TRIO: variants seen among roughly 807,000 people sequenced by gnomAD.
The protein encoded by TRIO is triple functional domain protein.
TRIO carries 58 observed loss-of-function variants against 351.9 expected under a neutral mutation model. That is an observed-to-expected ratio of 0.16 (90% CI 0.13 to 0.21). TRIO has a LOEUF of 0.21. TRIO is among the 10% of genes least tolerant of loss of function. The pLI, the probability that TRIO is intolerant of heterozygous loss-of-function variation, is 1.00. For missense variants in TRIO, 3,201 were observed against 4,027.8 expected (o/e 0.79, Z 5.56); for synonymous variants, 1,758 against 1,595.7 (o/e 1.10, Z -2.42).
chr5:14,324,092 G>T (rs1370638404), intron 9 of TRIO, among the ~76,000 whole-genome samples: 1 of 152,044 alleles, frequency 6.6e-6, no homozygotes, highest in African/African-American at 2.4e-5. Flanking sequence ...TTTCCCCAGC[G>T]ATTTAAATAA....
At chr5:14,443,229 T>C (rs1752198300) in intron 34 of TRIO, among the ~76,000 whole-genome samples, 1 of 152,110 alleles carries the variant, frequency 6.6e-6, no homozygotes, top group Admixed American at 6.5e-5. Flanking sequence ...CTAGGAAAAA[T>C]TCGTAAGAAA....
chr5:14,361,028 C>A (rs148946709), intron 13 of TRIO, among the ~76,000 whole-genome samples: 1 of 152,178 alleles, frequency 6.6e-6, no homozygotes, highest in South Asian at 2.1e-4. Context: ...ACAGAATAAA[C>A]GGGAGGCCAG....
At chr5:14,201,534 TA>T (rs1208388055) in intron 1 of TRIO, among the ~76,000 whole-genome samples, 1 of 152,196 alleles carries the variant, frequency 6.6e-6, no homozygotes, top group East Asian at 1.9e-4. Context: ...CATCGATTGT[TA>T]ACTTTGAGGA....
intron 8 of TRIO, among the ~76,000 whole-genome samples, chr5:14,311,481 A>G (rs925430508): frequency 6.6e-6 from 1 of 152,218 alleles, no homozygotes; most frequent in Non-Finnish European, 1.5e-5. Context: ...GGGAACACAC[A>G]TGACCTTTCA....
intron 21 of TRIO, among the ~76,000 whole-genome samples, chr5:14,385,235 A>G (rs1256519271): frequency 1.3e-5 from 2 of 152,168 alleles, no homozygotes; most frequent in Non-Finnish European, 2.9e-5. Flanking sequence ...TCCAGGTCTC[A>G]CAATGTGTGT....
Position 14,465,613 on chromosome 5 carries a change from A to C in TRIO, c.5736A>C (p.Ala1912=). 1 of 1,613,960 alleles carries C rather than the reference A, an allele frequency of 6.2e-7. No homozygotes were observed. Among genetic ancestry groups the C allele is most frequent in the Non-Finnish European group, 8.5e-7 (1 of 1,179,992 alleles). Residue 1912 remains alanine (A), a synonymous_variant, in exon 37 of 57, where the codon GCA becomes GCC. Coordinates refer to ENST00000344204, the MANE Select transcript of TRIO (RefSeq NM_007118.4). ...CGAGTGCAGCCGAGCTCGTCAGTGC[A>C]ATTGAGGAACTCGTGAAAAGCAAGA... The part of the protein sequence containing the change: ...ETPSAAELVS[A]IEELVKSKMA...
At chr5:14,471,507 C>T in intron 38 of TRIO, 41 bp downstream of exon 38, 1 of 1,609,546 alleles carries the variant, frequency 6.2e-7, no homozygotes, top group Non-Finnish European at 8.5e-7. Context: ...TCTCTGGGTT[C>T]CGTCCTGTCT....
At chr5:14,442,275 G>C (rs1752109813) in intron 34 of TRIO, among the ~76,000 whole-genome samples, 1 of 152,210 alleles carries the variant, frequency 6.6e-6, no homozygotes, top group Non-Finnish European at 1.5e-5. Context: ...TGGGCGGCAA[G>C]ACGCAGAGAG....
intron 1 of TRIO, among the ~76,000 whole-genome samples, chr5:14,196,969 C>T (rs1790813226): frequency 6.6e-6 from 1 of 152,168 alleles, no homozygotes; most frequent in South Asian, 2.1e-4. Flanking sequence ...CTTGGTAGAC[C>T]ATAGCTGTGG....
intron 11 of TRIO, 128 bp from the exon 12 acceptor site, chr5:14,358,050 T>G: frequency 9.0e-7 from 1 of 1,114,582 alleles, no homozygotes; most frequent in African/African-American, 1.6e-5. Context: ...CCTCCGGGAG[T>G]GGTCTGTCAC....
intron 1 of TRIO, among the ~76,000 whole-genome samples, chr5:14,159,751 GA>G (rs1405770572): frequency 1.3e-5 from 2 of 152,040 alleles, no homozygotes; most frequent in Non-Finnish European, 2.9e-5. Flanking sequence ...ATTTTTAGTA[GA>G]GACAGGGTTT....
At chr5:14,392,688 A>G (rs556041679) in intron 27 of TRIO, among the ~76,000 whole-genome samples, 124 of 152,358 alleles carry the variant, frequency 8.1e-4, no homozygotes, top group African/African-American at 2.8e-3. Context: ...AATGCCCATC[A>G]ATGATAGACT....
intron 1 of TRIO, among the ~76,000 whole-genome samples, chr5:14,260,550 G>C (rs992353648): frequency 2.6e-5 from 4 of 152,160 alleles, no homozygotes; most frequent in African/African-American, 9.7e-5. Context: ...CAAATTCTTT[G>C]ATGTTATTAA....
At chr5:14,320,474 C>T (rs759779374) in intron 9 of TRIO, among the ~76,000 whole-genome samples, 1 of 152,168 alleles carries the variant, frequency 6.6e-6, no homozygotes, top group Non-Finnish European at 1.5e-5. Flanking sequence ...AGCCCCTCAG[C>T]AGGGATGCCT....
rs553550566 is a variant in TRIO at position 14,381,327 on chromosome 5, C to T, written c.3570+75C>T. The T allele has an allele frequency of 3.3e-5, 49 of 1,498,710 alleles. No individual in the cohort carries two copies. The African/African-American group carries it at 6.0e-4, about 18-fold the overall frequency. 92.8% of individuals were successfully genotyped at this position (1,498,710 alleles called of 1,614,324 possible). On this transcript the variant is annotated intron_variant, in intron 21 of 56. Coordinates refer to ENST00000344204, the MANE Select transcript of TRIO (RefSeq NM_007118.4). ...CTTCAAAAATATCATAAAGAAATAC[C>T]TCATGAGATTGGAGAAAAGGATGAC...
chr5:14,466,603 C>T (rs1225196162), intron 37 of TRIO, among the ~76,000 whole-genome samples: 3 of 152,158 alleles, frequency 2.0e-5, no homozygotes, highest in Non-Finnish European at 2.9e-5. Context: ...CTGGTATATC[C>T]TACTATCCCT....
chr5:14,360,605 C>T (rs181466804), intron 13 of TRIO, among the ~76,000 whole-genome samples: 324 of 152,356 alleles, frequency 2.1e-3, no homozygotes, highest in Non-Finnish European at 3.5e-3. Context: ...GATGGCAGGG[C>T]TGTGCGTAGC....
chr5:14,508,685 T>C lies in TRIO; in HGVS notation c.*263T>C. 2.6e-6 allele frequency: 1 copy of C among 384,216 alleles called. No individual in the cohort carries two copies. Among genetic ancestry groups the C allele is most frequent in the South Asian group, 8.5e-5 (1 of 11,826 alleles). 23.8% of individuals were successfully genotyped at this position (384,216 alleles called of 1,614,324 possible). On this transcript the variant is annotated 3_prime_UTR_variant, in exon 57 of 57. Transcript: ENST00000344204. ...TTTTATTCAGGTTTCTGCAAAAAAA[T>C]AAAAAGATAACTTTTTTAAACAAAC... is the stretch of plus-strand genomic sequence containing the variant.
chr5:14,492,440 G>A lies in TRIO; in HGVS notation c.7633-127G>A, dbSNP rs561951802. ...GTAAAGGAAATGTTGAAAATTTCTCGGTGCTTGCCTGGTGAGCCCTGCACG... is the reference window on the plus strand; with the variant it reads ...GTAAAGGAAATGTTGAAAATTTCTCAGTGCTTGCCTGGTGAGCCCTGCACG... On this transcript the variant is annotated intron_variant, in intron 48 of 56. Coordinates refer to ENST00000344204, the MANE Select transcript of TRIO (RefSeq NM_007118.4). 8.5e-5 allele frequency: 109 copies of A among 1,280,694 alleles called. 1 individual carries two copies. The East Asian group carries it at 1.4e-3, about 17-fold the overall frequency. 79.3% of individuals were successfully genotyped at this position (1,280,694 alleles called of 1,614,324 possible). A position where few individuals can be genotyped will look rare whatever the true frequency, so the allele number is the denominator to read the frequency against.
Sources: gnomAD v4.1 joint callset for allele counts (sites outside exome capture counted in the v4.1 genomes callset) on GRCh38, gnomAD v4.1.1 for gene constraint, MANE v1.5 for transcripts, NCBI Gene and HGNC (gene_info 2026-07-23, HGNC 2026-07-21) for gene names.